Variants in KCND3 observed in about 807,000 individuals in gnomAD.
KCND3 encodes A-type voltage-gated potassium channel KCND3.
In KCND3, 9 loss-of-function variants were observed where a neutral mutation model predicts 51.1. The observed-to-expected ratio is 0.18, with a 90% CI of 0.11 to 0.31. The LOEUF is 0.31. Among genes scored for constraint, KCND3 ranks in the 10% least tolerant of loss-of-function variants. The probability of loss-of-function intolerance (pLI) is 1.00; values close to 1 mark genes in which losing one functional copy is unlikely to be tolerated. For synonymous variants in KCND3, 349 were observed against 368.0 expected (o/e 0.95, Z 0.59); for missense variants, 526 against 903.8 (o/e 0.58, Z 5.36).
intron 2 of KCND3, among the ~76,000 whole-genome samples, chr1:111,980,203 A>AGTGTGTGTGTGTGT (rs58988523): frequency 0.042 from 6,039 of 142,948 alleles, 165 homozygotes; most frequent in Non-Finnish European, 0.055. Flanking sequence ...CCATTTGAAG[A>AGTGTGTGTGTGTGT]GTGTGTGTGT....
At chr1:111,833,422 G>A (rs527512180) in intron 2 of KCND3, among the ~76,000 whole-genome samples, 1 of 152,362 alleles carries the variant, frequency 6.6e-6, no homozygotes, top group East Asian at 1.9e-4. Flanking sequence ...GGCAGTCAAA[G>A]GCTCAATGAC....
At chr1:111,958,327 G>A (rs1673443430) in intron 2 of KCND3, among the ~76,000 whole-genome samples, 1 of 152,194 alleles carries the variant, frequency 6.6e-6, no homozygotes, top group Non-Finnish European at 1.5e-5. Flanking sequence ...AACCCTGCAG[G>A]ACCCTGAGCT....
chr1:111,911,378 T>C (rs1670937218), intron 2 of KCND3, among the ~76,000 whole-genome samples: 1 of 152,194 alleles, frequency 6.6e-6, no homozygotes, highest in African/African-American at 2.4e-5. Flanking sequence ...AAAAAGTATT[T>C]GTTGGGGCCT....
At chr1:111,823,694 T>C (rs987238901) in intron 2 of KCND3, among the ~76,000 whole-genome samples, 2 of 152,206 alleles carry the variant, frequency 1.3e-5, no homozygotes, top group African/African-American at 4.8e-5. Flanking sequence ...TTGGTCCTCA[T>C]GGCAACCCTC....
intron 2 of KCND3, among the ~76,000 whole-genome samples, chr1:111,818,465 A>G (rs80061835): frequency 0.035 from 5,390 of 152,128 alleles, 112 homozygotes; most frequent in South Asian, 0.041. Context: ...GGGAGAAACA[A>G]CCTCACGTTG....
chr1:111,898,118 C>T lies in KCND3; in HGVS notation c.1106+83503G>A, dbSNP rs138948776. 4.8e-3 allele frequency among the ~76,000 whole-genome samples: 733 copies of T among 152,240 alleles called. 8 individuals carry two copies. Among genetic ancestry groups the T allele is most frequent in the Middle Eastern group, 0.02 (6 of 294 alleles). On this transcript the variant is annotated intron_variant, in intron 2 of 7. Coordinates refer to ENST00000302127, the MANE Select transcript of KCND3 (RefSeq NM_001378969.1). The stretch of plus-strand genomic sequence containing the variant: ...GGTCCTTGTCCTCTGGCTTGGTTTC[C>T]TCAACTGTAAAACAGGGACCACAAC...
chr1:111,901,136 T>C (rs1670364426), intron 2 of KCND3, among the ~76,000 whole-genome samples: 1 of 152,232 alleles, frequency 6.6e-6, no homozygotes, highest in Non-Finnish European at 1.5e-5. Flanking sequence ...AATCTTATCA[T>C]TCAGTCAGAT....
chr1:111,806,175 C>T (rs138036926), intron 2 of KCND3, among the ~76,000 whole-genome samples: 34 of 152,316 alleles, frequency 2.2e-4, no homozygotes, highest in African/African-American at 7.0e-4. Flanking sequence ...TCCCAAAGAA[C>T]GGGGTCACTC....
intron 2 of KCND3, among the ~76,000 whole-genome samples, chr1:111,880,621 G>A (rs1273822593): frequency 6.6e-6 from 1 of 152,176 alleles, no homozygotes; most frequent in African/African-American, 2.4e-5. Flanking sequence ...GGAGCACAAT[G>A]TCTTAAGTAA....
chr1:111,782,015 C>G lies in KCND3; in HGVS notation c.1270-1224G>C, dbSNP rs533732689. ...CAGGTGCTTGCTACTGGAAGCAGAA[C>G]AGCCCACAAGGATAGCAGACCCATC... is the stretch of plus-strand genomic sequence containing the variant. On this transcript the variant is annotated intron_variant, in intron 3 of 7. Coordinates refer to ENST00000302127, the MANE Select transcript of KCND3 (RefSeq NM_001378969.1). 2.6e-5 allele frequency among the ~76,000 whole-genome samples: 4 copies of G among 152,214 alleles called. No individual in the cohort carries two copies. In the East Asian group the frequency reaches 5.8e-4, roughly 22 times the overall value.
chr1:111,791,250 T>C (rs1019095260), intron 2 of KCND3, among the ~76,000 whole-genome samples: 2 of 152,208 alleles, frequency 1.3e-5, no homozygotes, highest in African/African-American at 4.8e-5. Context: ...GTTATCTCAT[T>C]GTGGTTTTGA....
chr1:111,829,710 C>A (rs1666747995), intron 2 of KCND3, among the ~76,000 whole-genome samples: 1 of 152,124 alleles, frequency 6.6e-6, no homozygotes, highest in African/African-American at 2.4e-5. Context: ...AAGGTCAGAC[C>A]TATATAACCC....
rs76542003 is a variant in KCND3 at position 111,874,431 on chromosome 1, A to G, written c.1107-87325T>C. ...GAAGTTCTTTTCTTTGTTGTTTGGA[A>G]TTGCCTTTGGAGCGTTTTGTCTGCT... On this transcript the variant is annotated intron_variant, in intron 2 of 7. Transcript: ENST00000302127. Among the ~76,000 whole-genome samples the G allele has an allele frequency of 9.5e-3, 1,448 of 152,178 alleles. 18 individuals carry two copies. The highest frequency in any genetic ancestry group is 0.032 in the African/African-American group (1,315 of 41,522).
chr1:111,905,205 C>A (rs1670589470), intron 2 of KCND3, among the ~76,000 whole-genome samples: 1 of 152,214 alleles, frequency 6.6e-6, no homozygotes, highest in Non-Finnish European at 1.5e-5. Flanking sequence ...TATCTCCATG[C>A]ACACCCTTTG....
intron 2 of KCND3, among the ~76,000 whole-genome samples, chr1:111,817,123 T>C (rs1189033581): frequency 6.6e-6 from 1 of 152,116 alleles, no homozygotes; most frequent in Non-Finnish European, 1.5e-5. Context: ...AGTCTCGATG[T>C]TTTTTCCCTT....
At chr1:111,881,475 G>A (rs1342960583) in intron 2 of KCND3, among the ~76,000 whole-genome samples, 1 of 152,222 alleles carries the variant, frequency 6.6e-6, no homozygotes, top group Non-Finnish European at 1.5e-5. Context: ...TTAACTCTGA[G>A]CGGGCTTCCC....
At chr1:111,790,019 T>C (rs531967290) in intron 2 of KCND3, among the ~76,000 whole-genome samples, 1 of 152,340 alleles carries the variant, frequency 6.6e-6, no homozygotes, top group African/African-American at 2.4e-5. Flanking sequence ...CATGTTAAAA[T>C]GTCTCCTTTA....
At position 111,941,665 on chromosome 1, in the gene KCND3, T is replaced by C. The variant is rs1181353776; in HGVS notation, c.1106+39956A>G. On this transcript the variant is annotated intron_variant, in intron 2 of 7. Coordinates refer to ENST00000302127, the MANE Select transcript of KCND3 (RefSeq NM_001378969.1). Reference sequence around the variant, plus strand: ...GACAGGCAGCCAGAGGCAGGGCTGCTCCTACAGTCCCAAGCAGGGAGCCAA... The same window carrying C: ...GACAGGCAGCCAGAGGCAGGGCTGCCCCTACAGTCCCAAGCAGGGAGCCAA... 4.6e-5 allele frequency among the ~76,000 whole-genome samples: 7 copies of C among 152,144 alleles called. No individual in the cohort carries two copies. The East Asian group carries it at 1.4e-3, about 29-fold the overall frequency.
chr1:111,958,150 C>T (rs887833352), intron 2 of KCND3, among the ~76,000 whole-genome samples: 2 of 152,220 alleles, frequency 1.3e-5, no homozygotes, highest in Non-Finnish European at 2.9e-5. Flanking sequence ...ACCTGGCATA[C>T]ATACACACCA....
Sources: gnomAD v4.1 joint callset for allele counts (sites outside exome capture counted in the v4.1 genomes callset) on GRCh38, gnomAD v4.1.1 for gene constraint, MANE v1.5 for transcripts, NCBI Gene and HGNC (gene_info 2026-07-23, HGNC 2026-07-21) for gene names.